Variants in TRIM66 observed in about 807,000 individuals in gnomAD.
TRIM66 encodes the protein tripartite motif containing 66.
In TRIM66, 99 loss-of-function variants were observed where a neutral mutation model predicts 148.2. That is an observed-to-expected ratio of 0.67 (90% confidence interval 0.57 to 0.79). The LOEUF is 0.79. Among genes scored for constraint, TRIM66 ranks in the 30% least tolerant of loss-of-function variants. The pLI is 0.00. For missense variants in TRIM66, 1,666 were observed against 1,697.9 expected (o/e 0.98, Z 0.33); for synonymous variants, 616 against 635.9 (o/e 0.97, Z 0.47).
chr11:8,646,419 A>G (rs1314711311), intron 11 of TRIM66, 28 bp downstream of exon 11: 4 of 1,540,462 alleles, frequency 2.6e-6, no homozygotes, highest in Admixed American at 2.0e-5. Context: ...TCTGAACCCA[A>G]CCATCTGATC....
Position 8,648,360 on chromosome 11 carries a change from CAAGT to C in TRIM66, c.725+52_725+55del, listed in dbSNP as rs1479366524. ...TGCACGGGGATTCCCAGAGCTCTCA[CAAGT>C]AAGAAATCCAGAGCCCTCCCCAGCC... is the stretch of plus-strand genomic sequence containing the variant. On this transcript the variant is annotated intron_variant, in intron 9 of 24. Transcript: ENST00000646038. The C allele has an allele frequency of 3.9e-6, 6 of 1,536,396 alleles. No individual in the cohort carries two copies. In the African/African-American group the frequency reaches 8.2e-5, roughly 21 times the overall value.
intron 3 of TRIM66, among the ~76,000 whole-genome samples, chr11:8,677,668 T>C (rs2039240222): frequency 6.6e-6 from 1 of 152,174 alleles, no homozygotes. Flanking sequence ...TCTGTGTTCT[T>C]TCCATTAATT....
In TRIM66 at chr11:8,625,102, G is replaced by A; in HGVS notation, c.2437C>T (p.Gln813Ter). ...GCACTCAGCAGGCTTGGTACTGCCT[G>A]GGGGGCACCAGCTGTCAGGTTGCTC... ...SVSNLTAGAP[Q>*]AVPSLLSAPP... The change falls in exon 16 of 25, where the codon CAG becomes TAG. Residue 813 changes from glutamine to a stop codon, truncating the protein, a stop_gained. Coordinates refer to ENST00000646038, the MANE Select transcript of TRIM66 (RefSeq NM_001388022.1). LOFTEE classifies it high-confidence loss of function. 1 of 1,551,674 alleles carries A rather than the reference G, an allele frequency of 6.4e-7. No individual in the cohort carries two copies.
Position 8,613,402 on chromosome 11 carries a change from T to G in TRIM66, c.*4542A>C, listed in dbSNP as rs2033519136. ...CGGAGAGGTCAAGACAGCTGAGCAC[T>G]GAAAGGTATTCATTCTATTTGGCAA... On this transcript the variant is annotated 3_prime_UTR_variant, in exon 25 of 25. Transcript: ENST00000646038. 1 of 152,256 alleles carries G rather than the reference T, an allele frequency of 6.6e-6. No homozygotes were observed. The highest frequency in any genetic ancestry group is 2.4e-5 in the African/African-American group (1 of 41,450). 9.4% of individuals were successfully genotyped at this position (152,256 alleles called of 1,614,324 possible). A position where few individuals can be genotyped will look rare whatever the true frequency, so the allele number is the denominator to read the frequency against.
chr11:8,621,562 A>C (rs1211926063), intron 19 of TRIM66, 83 bp downstream of exon 19: 6 of 1,434,824 alleles, frequency 4.2e-6, no homozygotes, highest in Non-Finnish European at 5.5e-6. Flanking sequence ...GAAAGGTCCC[A>C]GAGTCAGAAT....
chr11:8,645,985 C>G (rs572343180), intron 11 of TRIM66, 98 bp from the exon 12 acceptor site: 12 of 1,203,672 alleles, frequency 1.0e-5, no homozygotes, highest in South Asian at 4.3e-5. Context: ...CTGATGGAAT[C>G]AGATGAGACT....
At chr11:8,638,336 A>G (rs1448412579) in intron 15 of TRIM66, among the ~76,000 whole-genome samples, 9 of 152,208 alleles carry the variant, frequency 5.9e-5, no homozygotes, top group African/African-American at 2.2e-4. Flanking sequence ...GTGAGGTGAG[A>G]TAATGCTGGT....
chr11:8,682,904 C>T, upstream of TRIM66: 1 of 1,483,462 alleles, frequency 6.7e-7, no homozygotes, highest in Non-Finnish European at 9.1e-7. Context: ...CACTCCCTAC[C>T]ATGGTCGGGG....
intron 6 of TRIM66, among the ~76,000 whole-genome samples, chr11:8,652,507 G>C (rs2037445094): frequency 6.6e-6 from 1 of 152,110 alleles, no homozygotes; most frequent in Admixed American, 6.5e-5. Context: ...CATAGACCAA[G>C]TTAGATGCAT....
At chr11:8,637,624 T>C (rs183722083) in intron 15 of TRIM66, among the ~76,000 whole-genome samples, 2 of 152,270 alleles carry the variant, frequency 1.3e-5, no homozygotes, top group African/African-American at 2.4e-5. Flanking sequence ...TGCATTGCAA[T>C]GGTACAGAGC....
At chr11:8,662,676 A>C (rs1012884263) in intron 6 of TRIM66, among the ~76,000 whole-genome samples, 6 of 152,234 alleles carry the variant, frequency 3.9e-5, no homozygotes, top group Non-Finnish European at 8.8e-5. Context: ...ATACTAAACA[A>C]GTAGATTCTG....
At chr11:8,625,769 G>A (rs1201364304) in intron 15 of TRIM66, among the ~76,000 whole-genome samples, 1 of 152,166 alleles carries the variant, frequency 6.6e-6, no homozygotes, top group African/African-American at 2.4e-5. Context: ...ATCTGCCTCA[G>A]ACCTTCTTTG....
At position 8,622,799 on chromosome 11, in the gene TRIM66, A is replaced by G; in HGVS notation, c.3080+17T>C. 6.4e-7 allele frequency: 1 copy of G among 1,551,312 alleles called. No individual in the cohort carries two copies. The highest frequency in any genetic ancestry group is 8.7e-7 in the Non-Finnish European group (1 of 1,146,496). On this transcript the variant is annotated intron_variant, in intron 18 of 24. Coordinates refer to ENST00000646038, the MANE Select transcript of TRIM66 (RefSeq NM_001388022.1). ...TGAAGTCATGGGTGGGAGGGAGATT[A>G]GCCAGAAGGCTGTTACCTGATGCTC...
In TRIM66 at chr11:8,645,769, C is replaced by T. The variant is rs2133172448; in HGVS notation, c.1076G>A (p.Ser359Asn). The change falls in exon 12 of 25, where the codon AGT becomes AAT. Residue 359 changes from serine to asparagine, a missense_variant. Transcript: ENST00000646038. ...FINWAVCSKT[S>N]VPFLFSKELI... is the part of the protein sequence containing the mutation. The stretch of plus-strand genomic sequence containing the variant: ...CTCTTTGCTGAAAAGAAAAGGGACA[C>T]TGGTTTTGCTGCAGACAGCCCAGTT... The T allele has an allele frequency of 1.9e-6, 3 of 1,551,754 alleles. No individual in the cohort carries two copies. The highest frequency in any genetic ancestry group is 4.9e-5 in the East Asian group (2 of 40,922).
At position 8,640,642 on chromosome 11, in the gene TRIM66, G is replaced by T. The variant is rs906941496; in HGVS notation, c.1733C>A (p.Ser578Tyr). The change falls in exon 14 of 25, where the codon TCT becomes TAT. Residue 578 changes from serine to tyrosine, a missense_variant. Ser to Tyr is a moderately radical substitution (Grantham distance 144). Coordinates refer to ENST00000646038, the MANE Select transcript of TRIM66 (RefSeq NM_001388022.1). ...GTGGTGGCCAAACTGGACTTGGATA[G>T]AGGGTGTCTGTAAGGTGGGCTGGGC... ...AHAQPTLQTP[S>Y]IQVQFGHHQK... 1.3e-6 allele frequency: 2 copies of T among 1,551,536 alleles called. No individual in the cohort carries two copies. The highest frequency in any genetic ancestry group is 2.7e-5 in the African/African-American group (2 of 73,038).
At position 8,618,749 on chromosome 11, in the gene TRIM66, C is replaced by T. The variant is rs1293270283; in HGVS notation, c.4119+1G>A. 2 of 1,549,392 alleles carry T rather than the reference C, an allele frequency of 1.3e-6. No individual in the cohort carries two copies. Among genetic ancestry groups the T allele is most frequent in the Non-Finnish European group, 1.7e-6 (2 of 1,146,698 alleles). On this transcript the variant is annotated splice_donor_variant, in intron 24 of 24. Coordinates refer to ENST00000646038, the MANE Select transcript of TRIM66 (RefSeq NM_001388022.1). LOFTEE classifies it high-confidence loss of function. The stretch of plus-strand genomic sequence containing the variant: ...GCTGCTGGCTGGCAGTAACTCTTTA[C>T]CATATGTCGTCGCCGCCTCTTGGGT...
intron 15 of TRIM66, among the ~76,000 whole-genome samples, chr11:8,628,553 C>T (rs1437845110): frequency 1.4e-5 from 2 of 141,240 alleles, no homozygotes; most frequent in East Asian, 4.4e-4. Flanking sequence ...GTTGAGACTG[C>T]AGTGAGCCAA....
Position 8,646,529 on chromosome 11 carries a change from A to C in TRIM66, c.875T>G (p.Val292Gly). 1 of 1,551,948 alleles carries C rather than the reference A, an allele frequency of 6.4e-7. No individual in the cohort carries two copies. Among genetic ancestry groups the C allele is most frequent in the African/African-American group, 1.4e-5 (1 of 73,142 alleles). ...IFEVKHQHRK[V>G]ENQIKMAKMV... ...CTTGGCCATTTTGATCTGGTTTTCC[A>C]CCTTCCTATGCTGATGCTTCACTTC... The change falls in exon 11 of 25, where the codon GTG (valine) becomes GGG (glycine). Residue 292 changes from valine (V) to glycine (G), a missense_variant. Physicochemically the swap from Val to Gly is moderately radical, Grantham distance 109. Transcript: ENST00000646038.
At chr11:8,675,671 C>T (rs181419662) in intron 3 of TRIM66, among the ~76,000 whole-genome samples, 10 of 152,134 alleles carry the variant, frequency 6.6e-5, no homozygotes, top group African/African-American at 2.2e-4. Context: ...CATGAGCCAT[C>T]GCACCCGGCC....
Sources: allele counts gnomAD v4.1 joint callset (sites outside exome capture counted in the v4.1 genomes callset), GRCh38; gene constraint gnomAD v4.1.1; transcripts MANE v1.5; gene names NCBI Gene and HGNC (gene_info 2026-07-23, HGNC 2026-07-21).